The following PIK3CB variants were observed in gnomAD, a reference collection of about 807,000 sequenced individuals.
PIK3CB encodes phosphatidylinositol 4,5-bisphosphate 3-kinase catalytic subunit beta isoform.
Under a neutral mutation model 136.8 loss-of-function variants are expected in PIK3CB, and 39 were observed. The observed-to-expected ratio is 0.29, with a 90% CI of 0.22 to 0.37. The LOEUF (loss-of-function observed/expected upper bound fraction) is 0.37, where lower values mean the gene tolerates loss of function less well. PIK3CB is among the 10% of genes least tolerant of loss of function. The pLI is 1.00. For synonymous variants in PIK3CB, 428 were observed against 436.6 expected, an observed-to-expected ratio of 0.98 and a Z score of 0.25; for missense variants, 868 against 1,275.4, an observed-to-expected ratio of 0.68 and a Z score of 4.87.
chr3:138,830,063 G>C (rs1166842249), intron 1 of PIK3CB, among the ~76,000 whole-genome samples: 3 of 152,146 alleles, frequency 2.0e-5, no homozygotes, highest in Admixed American at 6.6e-5. Context: ...GGTAGAGAAA[G>C]GAATAGGGAC....
At chr3:138,755,633 T>G (rs773930092) in intron 4 of PIK3CB, 121 bp downstream of exon 4, 14 of 532,220 alleles carry the variant, frequency 2.6e-5, no homozygotes, top group Middle Eastern at 5.0e-4. Context: ...GGCAACAATT[T>G]ACAGATCAGC....
In PIK3CB at chr3:138,693,939, AT is replaced by A. The variant is rs1559819524; in HGVS notation, c.1892+846del. ...TAACTGTAATGTATTTGCTTAAAAT[AT>A]ATATATATATATATATATATATATA... On this transcript the variant is annotated intron_variant, in intron 14 of 23. Transcript: ENST00000674063. Among the ~76,000 whole-genome samples, 131 of 18,846 alleles carry A rather than the reference AT, an allele frequency of 7.0e-3. 6 individuals carry two copies. The highest frequency in any genetic ancestry group is 0.023 in the African/African-American group (127 of 5,518). 12.4% of individuals were successfully genotyped at this position (18,846 alleles called of 152,430 possible). A position where few individuals can be genotyped will look rare whatever the true frequency, so the allele number is the denominator to read the frequency against.
intron 16 of PIK3CB, among the ~76,000 whole-genome samples, chr3:138,688,130 G>T (rs551936522): frequency 2.0e-5 from 3 of 152,264 alleles, no homozygotes; most frequent in South Asian, 4.1e-4. Flanking sequence ...CCTAATGGAA[G>T]CCTATGAGAG....
At chr3:138,747,097 T>C (rs1368808390) in intron 4 of PIK3CB, among the ~76,000 whole-genome samples, 1 of 84,740 alleles carries the variant, frequency 1.2e-5, no homozygotes, top group East Asian at 3.8e-4. Context: ...TATATATATA[T>C]ATATATATAT....
chr3:138,797,681 G>A (rs1428705832), intron 1 of PIK3CB, among the ~76,000 whole-genome samples: 3 of 152,180 alleles, frequency 2.0e-5, no homozygotes, highest in African/African-American at 7.2e-5. Flanking sequence ...GATGTTGATA[G>A]TGGGGGAAGC....
intron 1 of PIK3CB, among the ~76,000 whole-genome samples, chr3:138,828,298 G>C (rs542214253): frequency 6.8e-6 from 1 of 146,228 alleles, no homozygotes; most frequent in East Asian, 2.1e-4. Flanking sequence ...CCATTCTCTT[G>C]CCTCAGCCTC....
In PIK3CB at chr3:138,663,999, A is replaced by G. The variant is rs1310328247; in HGVS notation, c.2703T>C (p.Phe901=). The G allele has an allele frequency of 6.2e-7, 1 of 1,613,774 alleles. No individual in the cohort carries two copies. The highest frequency in any genetic ancestry group is 1.7e-5 in the Admixed American group (1 of 59,898). The part of the protein sequence containing the change: ...GDDLDRAIEE[F]TLSCAGYCVA... ...CACAGTAGCCAGCACAGGACAGTGT[A>G]AATTCCTCAATGGCTCGGTCCAGGT... The change falls in exon 21 of 24, where the codon TTT becomes TTC. Residue 901 remains phenylalanine, a synonymous_variant. Coordinates refer to ENST00000674063, the MANE Select transcript of PIK3CB (RefSeq NM_006219.3).
At chr3:138,706,755 T>C (rs571877750) in intron 11 of PIK3CB, among the ~76,000 whole-genome samples, 96 of 152,272 alleles carry the variant, frequency 6.3e-4, no homozygotes, top group Non-Finnish European at 1.1e-3. Flanking sequence ...CCTCCCGGGT[T>C]CAAGCAATTC....
At chr3:138,710,296 T>C (rs2044470563) in intron 10 of PIK3CB, among the ~76,000 whole-genome samples, 1 of 151,586 alleles carries the variant, frequency 6.6e-6, no homozygotes. Context: ...AGGATAGGAA[T>C]AGAAGGACAC....
chr3:138,796,532 GT>G lies in PIK3CB; in HGVS notation c.-87del, dbSNP rs1021428031. 6.6e-6 allele frequency: 1 copy of G among 151,836 alleles called. No individual in the cohort carries two copies. The highest frequency in any genetic ancestry group is 2.4e-5 in the African/African-American group (1 of 41,338). The allele number at this position is 151,836 out of a possible 1,614,324, so 9.4% of individuals were successfully genotyped here. On this transcript the variant is annotated 5_prime_UTR_variant, in exon 2 of 24. It introduces an in-frame stop codon into an upstream open reading frame of the 5' UTR. Coordinates refer to ENST00000674063, the MANE Select transcript of PIK3CB (RefSeq NM_006219.3). ...GCATTACTTATTTTTTAAAAGTGAC[GT>G]TTTCATGGAAGACTTTTTCCAGTTA...
chr3:138,776,368 G>A (rs2045858491), intron 2 of PIK3CB, among the ~76,000 whole-genome samples: 1 of 151,960 alleles, frequency 6.6e-6, no homozygotes, highest in African/African-American at 2.4e-5. Flanking sequence ...AAATGTTTTG[G>A]ATAAAACATT....
intron 1 of PIK3CB, among the ~76,000 whole-genome samples, chr3:138,810,626 A>G (rs1268150021): frequency 6.6e-6 from 1 of 152,074 alleles, no homozygotes; most frequent in African/African-American, 2.4e-5. Context: ...CATCAAAAAC[A>G]AGAAATGTTG....
chr3:138,815,158 AAAAAATAT>A (rs1410184273), intron 1 of PIK3CB, among the ~76,000 whole-genome samples: 14 of 99,920 alleles, frequency 1.4e-4, no homozygotes, highest in African/African-American at 4.5e-4. Context: ...AAAAAAAAAA[AAAAAATAT>A]ATATATATAT....
chr3:138,711,604 A>T (rs1365978486), intron 10 of PIK3CB, among the ~76,000 whole-genome samples: 1 of 131,804 alleles, frequency 7.6e-6, no homozygotes, highest in Non-Finnish European at 1.6e-5. Flanking sequence ...AAAAAAAAAG[A>T]AGTTTAGTCT....
chr3:138,816,450 C>G (rs936022964), intron 1 of PIK3CB, among the ~76,000 whole-genome samples: 4 of 151,622 alleles, frequency 2.6e-5, no homozygotes, highest in Non-Finnish European at 5.9e-5. Context: ...AAAAATTAAC[C>G]GGGCATGGTG....
At chr3:138,759,471 A>C (rs1474175840) in intron 2 of PIK3CB, 112 bp from the exon 3 acceptor site, 1 of 621,170 alleles carries the variant, frequency 1.6e-6, no homozygotes, top group Non-Finnish European at 2.7e-6. Context: ...TATAGCCAAT[A>C]ATGTAACAGG....
intron 4 of PIK3CB, among the ~76,000 whole-genome samples, chr3:138,746,334 T>TAC (rs1206984229): frequency 7.9e-5 from 12 of 152,036 alleles, no homozygotes; most frequent in Admixed American, 5.9e-4. Context: ...CTTCTCCTGT[T>TAC]ACCTTGATTT....
At chr3:138,745,215 TA>T (rs144713199) in intron 4 of PIK3CB, among the ~76,000 whole-genome samples, 63 of 152,314 alleles carry the variant, frequency 4.1e-4, no homozygotes, top group African/African-American at 1.5e-3. Context: ...CCTGATAGGC[TA>T]AATTAGAGAT....
chr3:138,707,093 C>T, intron 11 of PIK3CB, 66 bp downstream of exon 11: 1 of 992,906 alleles, frequency 1.0e-6, no homozygotes, highest in Non-Finnish European at 1.6e-6. Flanking sequence ...AGAGCTTAAA[C>T]TATACATAGA....
Sources: allele counts gnomAD v4.1 joint callset (sites outside exome capture counted in the v4.1 genomes callset), GRCh38; gene constraint gnomAD v4.1.1; transcripts MANE v1.5; gene names NCBI Gene and HGNC (gene_info 2026-07-23, HGNC 2026-07-21).